Variants in MED24 observed in about 807,000 individuals in gnomAD.
The protein encoded by MED24 is mediator of RNA polymerase II transcription subunit 24.
MED24 carries 74 observed loss-of-function variants against 118.8 expected under a neutral mutation model. The ratio of observed to expected loss-of-function variants is 0.62; its 90% CI spans 0.52 to 0.76. The LOEUF (loss-of-function observed/expected upper bound fraction) is 0.76. Ranked by LOEUF, MED24 falls within the 30% of genes least tolerant of loss-of-function variation. The pLI is 0.00. For synonymous variants in MED24, 521 were observed against 523.9 expected, an observed-to-expected ratio of 0.99 and a Z score of 0.08; for missense variants, 1,041 against 1,278.9, an observed-to-expected ratio of 0.81 and a Z score of 2.84.
rs1748375695 is a variant in MED24, at chr17:40,054,365, C to T, written c.-42G>A. On this transcript the variant is annotated 5_prime_UTR_variant, in exon 1 of 26. In the 5' UTR this introduces an upstream ATG that the reference lacks. Coordinates refer to ENST00000394128, the MANE Select transcript of MED24 (RefSeq NM_014815.4). ...CCTCCCCAAATTTAAGCCTACCGCACAATCCAGTTCTAGGTGGTAGGCATC... is the reference window on the plus strand; with the variant it reads ...CCTCCCCAAATTTAAGCCTACCGCATAATCCAGTTCTAGGTGGTAGGCATC... 2 of 152,530 alleles carry T rather than the reference C, an allele frequency of 1.3e-5. No homozygotes were observed. The allele number at this position is 152,530 out of a possible 1,614,324, so 9.4% of individuals were successfully genotyped here. A position where few individuals can be genotyped will look rare whatever the true frequency, so the allele number is the denominator to read the frequency against.
intron 3 of MED24, among the ~76,000 whole-genome samples, chr17:40,049,790 G>T (rs1985623395): frequency 2.0e-5 from 3 of 151,792 alleles, no homozygotes; most frequent in African/African-American, 7.2e-5. Flanking sequence ...CTTGCAAAGT[G>T]CTGGGATTAA....
chr17:40,053,557 C>T lies in MED24; in HGVS notation c.42G>A (p.Trp14Ter). Residue 14 changes from tryptophan to a stop codon, truncating the protein, a stop_gained, in exon 2 of 26, where the codon TGG becomes TGA. Transcript: ENST00000394128. LOFTEE classifies it high-confidence loss of function. ...VNLKQAILQAWKERWSDYQWA... is the reference protein window; with the variant it reads ...VNLKQAILQA ...ATTGGTAGTCACTCCAGCGCTCCTT[C>T]CAGGCTTGCAAAATGGCTTGCTTCA... 6.2e-7 allele frequency: 1 copy of T among 1,614,168 alleles called. No individual in the cohort carries two copies. The highest frequency in any genetic ancestry group is 8.5e-7 in the Non-Finnish European group (1 of 1,180,038).
intron 8 of MED24, 70 bp downstream of exon 8, chr17:40,032,986 A>G (rs1350263730): frequency 1.4e-5 from 22 of 1,587,066 alleles, no homozygotes; most frequent in Non-Finnish European, 4.3e-6. Flanking sequence ...GAGAACCAGA[A>G]GAATCCTCCC....
intron 3 of MED24, among the ~76,000 whole-genome samples, chr17:40,045,593 T>C (rs897563195): frequency 6.6e-6 from 1 of 152,168 alleles, no homozygotes; most frequent in Admixed American, 6.6e-5. Context: ...AAGATGAGCC[T>C]GAGCAACATG....
At position 40,019,246 on chromosome 17, in the gene MED24, C is replaced by T. The variant is rs1981647378; in HGVS notation, c.*283G>A. The T allele has an allele frequency of 1.5e-5, 7 of 462,898 alleles. No individual in the cohort carries two copies. Among genetic ancestry groups the T allele is most frequent in the South Asian group, 3.0e-5 (1 of 33,836 alleles). The allele number at this position is 462,898 out of a possible 1,614,324, so 28.7% of individuals were successfully genotyped here. ...AGAAAGTTCCTCAGAGGTAAGACTA[C>T]TCCTGGGCTGGGGCGGGCGCACACA... On this transcript the variant is annotated 3_prime_UTR_variant, in exon 26 of 26. Transcript: ENST00000394128.
intron 11 of MED24, 135 bp downstream of exon 11, chr17:40,031,403 G>C: frequency 8.3e-7 from 1 of 1,210,888 alleles, no homozygotes; most frequent in Non-Finnish European, 1.2e-6. Context: ...TGGCAACTGT[G>C]GGCTCCTATT....
intron 3 of MED24, among the ~76,000 whole-genome samples, chr17:40,051,677 C>G (rs1051621719): frequency 6.6e-6 from 1 of 152,078 alleles, no homozygotes; most frequent in African/African-American, 2.4e-5. Flanking sequence ...AATCCCAGCA[C>G]TTTGGGAGGC....
chr17:40,042,638 C>T (rs1422260041), intron 3 of MED24, among the ~76,000 whole-genome samples: 1 of 152,078 alleles, frequency 6.6e-6, no homozygotes, highest in Non-Finnish European at 1.5e-5. Flanking sequence ...GAGATCGCAC[C>T]ACTGCACTCC....
intron 10 of MED24, among the ~76,000 whole-genome samples, 190 bp from the exon 11 acceptor site, chr17:40,031,810 G>GCACACACACGCTGAAA (rs1983414876): frequency 6.6e-6 from 1 of 152,136 alleles, no homozygotes; most frequent in Admixed American, 6.5e-5. Flanking sequence ...ACACGCTGAA[G>GCACACACACGCTGAAA]CACACACACG....
rs577930373 is a variant in MED24, at chr17:40,019,611, C to T, written c.2888G>A (p.Ser963Asn). ...SELVKVSAMS[S>N]PKVVLAITDL... ...CGTGATGGCCAGAACCACCTTGGGG[C>T]TGGACATGGCTGACACCTTCACCAG... is the stretch of plus-strand genomic sequence containing the variant. The change falls in exon 26 of 26, where the codon AGC (serine) becomes AAC (asparagine). Residue 963 changes from serine (S) to asparagine (N), a missense_variant. Physicochemically the swap from Ser to Asn is conservative, Grantham distance 46. This residue lies in a region of MED24 where 587 missense variants were observed against 694.4 expected (regional missense o/e 0.85). Transcript: ENST00000394128. 6.2e-6 allele frequency: 10 copies of T among 1,605,836 alleles called. No individual in the cohort carries two copies. The South Asian group carries it at 1.0e-4, about 16-fold the overall frequency.
At chr17:40,039,200 C>T (rs2144940732) in intron 3 of MED24, among the ~76,000 whole-genome samples, 3 of 152,336 alleles carry the variant, frequency 2.0e-5, no homozygotes, top group East Asian at 3.9e-4. Flanking sequence ...CAGCAGATTT[C>T]TGCTAACTGT....
rs549792344 is a variant in MED24, at chr17:40,031,287, A to G, written c.1068-42T>C. 20 of 1,517,734 alleles carry G rather than the reference A, an allele frequency of 1.3e-5. No homozygotes were observed. The African/African-American group carries it at 2.5e-4, about 19-fold the overall frequency. The allele number at this position is 1,517,734 out of a possible 1,614,324, so 94.0% of individuals were successfully genotyped here. ...TGCTGAGGGAACTGGGCACCTGGAT[A>G]GGATGGTGAGGGGTGGGAGTGGCAG... On this transcript the variant is annotated intron_variant, in intron 11 of 25. Coordinates refer to ENST00000394128, the MANE Select transcript of MED24 (RefSeq NM_014815.4).
chr17:40,026,365 T>C (rs764756430), intron 18 of MED24, 34 bp from the exon 19 acceptor site: 48 of 1,601,926 alleles, frequency 3.0e-5, no homozygotes, highest in Non-Finnish European at 3.9e-5. Flanking sequence ...GGCTACCATC[T>C]ATCTCCCTTT....
chr17:40,032,954 G>T, intron 8 of MED24, 102 bp downstream of exon 8: 1 of 1,519,392 alleles, frequency 6.6e-7, no homozygotes, highest in South Asian at 1.2e-5. Context: ...CATGGAGCAG[G>T]AGAAACCCCA....
intron 3 of MED24, among the ~76,000 whole-genome samples, chr17:40,049,433 C>A (rs113529370): frequency 1.2e-4 from 18 of 152,356 alleles, no homozygotes; most frequent in African/African-American, 4.1e-4. Context: ...ATTGTTCACA[C>A]TGGACTGGGT....
At chr17:40,021,614 A>C (rs1982014621) in intron 23 of MED24, among the ~76,000 whole-genome samples, 1 of 152,224 alleles carries the variant, frequency 6.6e-6, no homozygotes, top group Non-Finnish European at 1.5e-5. Context: ...CTGGTGAGTC[A>C]ATGGCACAGG....
At chr17:40,020,579 G>A (rs537632915) in intron 23 of MED24, 1 of 924,718 alleles carries the variant, frequency 1.1e-6, no homozygotes, top group Admixed American at 2.2e-5. Flanking sequence ...CTTGAGTCCA[G>A]GAGTTTGAGA....
In MED24 at chr17:40,026,197, C is replaced by G. The variant is rs146321670; in HGVS notation, c.1944G>C (p.Gly648=). The G allele has an allele frequency of 6.2e-7, 1 of 1,614,224 alleles. No individual in the cohort carries two copies. The highest frequency in any genetic ancestry group is 8.5e-7 in the Non-Finnish European group (1 of 1,180,044). ...GCAGGGTGTTCTCACTAAACAGTGG[C>G]CCTGCCAGCTGGCGGATCATCTGCA... ...KSLQMIRQLA[G]PLFSENTLQF... Residue 648 remains glycine, a synonymous_variant, in exon 19 of 26, where the codon GGG becomes GGC. Coordinates refer to ENST00000394128, the MANE Select transcript of MED24 (RefSeq NM_014815.4).
intron 22 of MED24, 116 bp from the exon 23 acceptor site, chr17:40,022,170 C>T: frequency 1.1e-6 from 1 of 931,676 alleles, no homozygotes; most frequent in Non-Finnish European, 1.6e-6. Flanking sequence ...AGGGCCTCAG[C>T]CCCTCTCTGC....
Sources: allele counts gnomAD v4.1 joint callset (sites outside exome capture counted in the v4.1 genomes callset), GRCh38; gene constraint gnomAD v4.1.1; regional missense constraint gnomAD v4.1.1; transcripts MANE v1.5; gene names NCBI Gene and HGNC (gene_info 2026-07-23, HGNC 2026-07-21).